PDZRN4: variants seen among roughly 807,000 people sequenced by gnomAD.
PDZRN4 encodes the protein PDZ domain-containing RING finger protein 4.
In PDZRN4, 70 loss-of-function variants were observed where a neutral mutation model predicts 99.0. That is an observed-to-expected ratio of 0.71 (90% confidence interval 0.58 to 0.86). The LOEUF (loss-of-function observed/expected upper bound fraction) is 0.86, where lower values mean the gene tolerates loss of function less well. Among genes scored for constraint, PDZRN4 ranks in the 40% least tolerant of loss-of-function variants. The pLI, the probability that PDZRN4 is intolerant of heterozygous loss-of-function variation, is 0.00. For synonymous variants in PDZRN4, 551 were observed against 501.6 expected (o/e 1.10, Z -1.32); for missense variants, 1,474 against 1,331.2 (o/e 1.11, Z -1.67).
At chr12:41,326,104 C>A (rs1385553142) in intron 3 of PDZRN4, among the ~76,000 whole-genome samples, 3 of 151,750 alleles carry the variant, frequency 2.0e-5, no homozygotes, top group Admixed American at 2.0e-4. Context: ...CCACCTTGGC[C>A]TCCTGAATAG....
At chr12:41,537,689 T>A (rs2120757481) in intron 5 of PDZRN4, among the ~76,000 whole-genome samples, 1 of 152,250 alleles carries the variant, frequency 6.6e-6, no homozygotes, top group Middle Eastern at 3.4e-3. Flanking sequence ...GGCAGTAATG[T>A]ACCAGGTGAA....
At chr12:41,469,917 G>A (rs1004964372) in intron 3 of PDZRN4, among the ~76,000 whole-genome samples, 16 of 151,848 alleles carry the variant, frequency 1.1e-4, no homozygotes, top group Non-Finnish European at 1.9e-4. Context: ...GTGACAGAGC[G>A]AGACTCCATC....
chr12:41,239,916 A>G (rs1407383856), intron 3 of PDZRN4, among the ~76,000 whole-genome samples: 4 of 152,328 alleles, frequency 2.6e-5, no homozygotes, highest in African/African-American at 9.6e-5. Context: ...AAGATATTTG[A>G]TAGTATTTTA....
intron 2 of PDZRN4, among the ~76,000 whole-genome samples, chr12:41,193,847 C>T (rs1204104286): frequency 1.3e-5 from 2 of 152,066 alleles, no homozygotes; most frequent in Admixed American, 6.6e-5. Flanking sequence ...TATGTGAACT[C>T]AAAAATGTGA....
chr12:41,447,577 A>C (rs1364401386), intron 3 of PDZRN4, among the ~76,000 whole-genome samples: 1 of 152,150 alleles, frequency 6.6e-6, no homozygotes, highest in Non-Finnish European at 1.5e-5. Context: ...TAAAGGGTAT[A>C]ACACATTACA....
chr12:41,253,314 A>T (rs1319402810), intron 3 of PDZRN4, among the ~76,000 whole-genome samples: 2 of 152,162 alleles, frequency 1.3e-5, no homozygotes, highest in Non-Finnish European at 2.9e-5. Context: ...GATTAGAATT[A>T]ATCTTTAACC....
intron 3 of PDZRN4, among the ~76,000 whole-genome samples, chr12:41,433,390 C>T (rs1952601333): frequency 6.6e-6 from 1 of 152,166 alleles, no homozygotes; most frequent in African/African-American, 2.4e-5. Flanking sequence ...AAGTCACAGT[C>T]TCTCTGGGCC....
rs145941261 is a variant in PDZRN4 at position 41,350,758 on chromosome 12, T to C, written c.844-155698T>C. Among the ~76,000 whole-genome samples the C allele has an allele frequency of 2.6e-5, 4 of 152,156 alleles. No homozygotes were observed. The East Asian group carries it at 5.8e-4, about 22-fold the overall frequency. On this transcript the variant is annotated intron_variant, in intron 3 of 9. Transcript: ENST00000402685. Reference sequence around the variant, plus strand: ...AAGTTACATACATGTTTTGAATATATCCCCCCAGTTATGTTGGACATGTTC... The same window carrying C: ...AAGTTACATACATGTTTTGAATATACCCCCCCAGTTATGTTGGACATGTTC...
At chr12:41,240,360 T>C (rs1019073695) in intron 3 of PDZRN4, among the ~76,000 whole-genome samples, 1 of 152,134 alleles carries the variant, frequency 6.6e-6, no homozygotes, top group Non-Finnish European at 1.5e-5. Context: ...TCTCAAAACA[T>C]AATGGGTGTA....
chr12:41,508,439 C>T (rs760135503), intron 4 of PDZRN4, among the ~76,000 whole-genome samples: 5 of 152,154 alleles, frequency 3.3e-5, no homozygotes, highest in Non-Finnish European at 5.9e-5. Context: ...ATTAATAGGG[C>T]AGAATTGGAT....
chr12:41,354,769 T>C (rs542992305), intron 3 of PDZRN4, among the ~76,000 whole-genome samples: 1 of 152,178 alleles, frequency 6.6e-6, no homozygotes, highest in South Asian at 2.1e-4. Context: ...TTTAACCCCA[T>C]TCAATTAGAT....
At chr12:41,544,566 T>C (rs1299792026) in intron 5 of PDZRN4, among the ~76,000 whole-genome samples, 1 of 152,154 alleles carries the variant, frequency 6.6e-6, no homozygotes, top group Non-Finnish European at 1.5e-5. Context: ...CTGTGGGATA[T>C]AATAACAGAC....
At chr12:41,544,006 A>C (rs1488920488) in intron 5 of PDZRN4, among the ~76,000 whole-genome samples, 1 of 152,224 alleles carries the variant, frequency 6.6e-6, no homozygotes, top group East Asian at 1.9e-4. Flanking sequence ...AAAACCATGA[A>C]TAAATGCTAG....
chr12:41,406,793 G>C lies in PDZRN4; in HGVS notation c.844-99663G>C, dbSNP rs1018256154. Among the ~76,000 whole-genome samples the C allele has an allele frequency of 3.7e-4, 51 of 139,694 alleles. 1 individual carries two copies. Among genetic ancestry groups the C allele is most frequent in the Non-Finnish European group, 3.0e-5 (2 of 66,170 alleles). 91.6% of individuals were successfully genotyped at this position (139,694 alleles called of 152,430 possible). A position where few individuals can be genotyped will look rare whatever the true frequency, so the allele number is the denominator to read the frequency against. On this transcript the variant is annotated intron_variant, in intron 3 of 9. Coordinates refer to ENST00000402685, the MANE Select transcript of PDZRN4 (RefSeq NM_001164595.2). ...GAATCGTTTGAACCTGGGAGGCGGA[G>C]ATTGCAGTGAGCCAAAATCGTGCCA... is the stretch of plus-strand genomic sequence containing the variant.
intron 3 of PDZRN4, among the ~76,000 whole-genome samples, chr12:41,450,892 C>T (rs904634229): frequency 2.0e-5 from 3 of 152,148 alleles, no homozygotes; most frequent in Non-Finnish European, 4.4e-5. Flanking sequence ...TGTGCCACTG[C>T]ACCCCTGCCT....
intron 3 of PDZRN4, among the ~76,000 whole-genome samples, chr12:41,329,055 T>C (rs1221403823): frequency 1.3e-5 from 2 of 152,144 alleles, no homozygotes; most frequent in African/African-American, 2.4e-5. Flanking sequence ...TTGGACTTGT[T>C]CCTCACCTCT....
At chr12:41,329,860 GT>G (rs1330337092) in intron 3 of PDZRN4, among the ~76,000 whole-genome samples, 1 of 152,046 alleles carries the variant, frequency 6.6e-6, no homozygotes, top group Non-Finnish European at 1.5e-5. Context: ...GCCAAGTACT[GT>G]TTTTACTCAA....
intron 5 of PDZRN4, among the ~76,000 whole-genome samples, chr12:41,538,213 C>A (rs1938782596): frequency 6.6e-6 from 1 of 151,768 alleles, no homozygotes; most frequent in African/African-American, 2.4e-5. Context: ...AAAAAAGTAA[C>A]CATCTTGATA....
At chr12:41,448,525 G>A (rs1369991288) in intron 3 of PDZRN4, among the ~76,000 whole-genome samples, 3 of 152,014 alleles carry the variant, frequency 2.0e-5, no homozygotes, top group Non-Finnish European at 2.9e-5. Flanking sequence ...GTTCTGCTGC[G>A]CCTATGCAGT....
Sources: allele counts gnomAD v4.1 joint callset (sites outside exome capture counted in the v4.1 genomes callset), GRCh38; gene constraint gnomAD v4.1.1; transcripts MANE v1.5; gene names NCBI Gene and HGNC (gene_info 2026-07-23, HGNC 2026-07-21).